Variants in ELAPOR2 observed in about 807,000 individuals in gnomAD.
ELAPOR2 encodes endosome-lysosome associated apoptosis and autophagy regulator family member 2.
In ELAPOR2, 89 loss-of-function variants were observed where a neutral mutation model predicts 120.7. The ratio of observed to expected loss-of-function variants is 0.74; its 90% CI spans 0.62 to 0.88. The LOEUF is 0.88. Ranked by LOEUF, ELAPOR2 falls within the 40% of genes least tolerant of loss-of-function variation. ELAPOR2 has a pLI of 0.00. For missense variants in ELAPOR2, 1,134 were observed against 1,251.6 expected (o/e 0.91, Z 1.42); for synonymous variants, 444 against 444.9 (o/e 1.00, Z 0.03).
intron 2 of ELAPOR2, among the ~76,000 whole-genome samples, chr7:86,961,296 G>A (rs1455934955): frequency 6.6e-6 from 1 of 151,970 alleles, no homozygotes. Flanking sequence ...CAAATTAATG[G>A]AAAAAATAGG....
intron 1 of ELAPOR2, among the ~76,000 whole-genome samples, chr7:86,977,670 A>C (rs1792326412): frequency 6.6e-6 from 1 of 152,228 alleles, no homozygotes; most frequent in Admixed American, 6.5e-5. Context: ...CTGTTTTCCT[A>C]CATCAGTTTC....
intron 1 of ELAPOR2, among the ~76,000 whole-genome samples, chr7:86,984,252 C>G (rs890353441): frequency 6.6e-6 from 1 of 152,136 alleles, no homozygotes; most frequent in Non-Finnish European, 1.5e-5. Flanking sequence ...CTTTAACACC[C>G]CACTGTCAGT....
Position 87,028,360 on chromosome 7 carries a change from C to G in ELAPOR2, c.189+30965G>C, listed in dbSNP as rs183889081. 1.7e-3 allele frequency among the ~76,000 whole-genome samples: 266 copies of G among 152,162 alleles called. 1 individual carries two copies. The highest frequency in any genetic ancestry group is 0.017 in the Middle Eastern group (5 of 294). On this transcript the variant is annotated intron_variant, in intron 1 of 21. Transcript: ENST00000450689. ...AACTGTGTTTGATTTCATCCATCAACCCTCTTCTTCAACACTTTCTTTATT... is the reference window on the plus strand; with the variant it reads ...AACTGTGTTTGATTTCATCCATCAAGCCTCTTCTTCAACACTTTCTTTATT...
At chr7:86,909,020 A>G (rs983324097) in intron 16 of ELAPOR2, among the ~76,000 whole-genome samples, 7 of 151,996 alleles carry the variant, frequency 4.6e-5, no homozygotes, top group African/African-American at 1.7e-4. Context: ...TGCTTAATCT[A>G]GTAAGCAGAA....
rs530593905 is a variant in ELAPOR2, at chr7:86,878,820, C to T, written c.*1651G>A. 1 of 152,294 alleles carries T rather than the reference C, an allele frequency of 6.6e-6. No individual in the cohort carries two copies. Among genetic ancestry groups the T allele is most frequent in the Non-Finnish European group, 1.5e-5 (1 of 67,998 alleles). The allele number at this position is 152,294 out of a possible 1,614,324, so 9.4% of individuals were successfully genotyped here. On this transcript the variant is annotated 3_prime_UTR_variant, in exon 22 of 22. Transcript: ENST00000450689. Reference sequence around the variant, plus strand: ...AAAGGTTTATGCAAAGTGACTCCCTCCCTGAATCCCAGAGCAAACAATGAC... The same window carrying T: ...AAAGGTTTATGCAAAGTGACTCCCTTCCTGAATCCCAGAGCAAACAATGAC...
intron 21 of ELAPOR2, among the ~76,000 whole-genome samples, chr7:86,883,023 G>GCTGT (rs1799488906): frequency 1.4e-5 from 2 of 141,452 alleles, no homozygotes; most frequent in African/African-American, 5.2e-5. Flanking sequence ...GTTTGAAAGG[G>GCTGT]GTGTGTGTGT....
At chr7:86,969,002 C>A (rs542865361) in intron 1 of ELAPOR2, among the ~76,000 whole-genome samples, 2 of 152,218 alleles carry the variant, frequency 1.3e-5, no homozygotes, top group East Asian at 3.9e-4. Flanking sequence ...AACCAGGAAA[C>A]ATCCCAAGAA....
intron 1 of ELAPOR2, among the ~76,000 whole-genome samples, chr7:87,013,596 G>A (rs1231916734): frequency 3.3e-5 from 5 of 152,070 alleles, no homozygotes; most frequent in African/African-American, 9.7e-5. Flanking sequence ...AGAAGATTAT[G>A]GTGAATTATA....
rs1218775092 is a variant in ELAPOR2, at chr7:86,925,527, C to A, written c.1399+1G>T. On this transcript the variant is annotated splice_donor_variant, in intron 10 of 21. Transcript: ENST00000450689. LOFTEE classifies it high-confidence loss of function. ...ATCAAGTAGGCTGATTTTGAACTTA[C>A]CATTCATTCCATCGCACTTTGAATT... is the stretch of plus-strand genomic sequence containing the variant. The A allele has an allele frequency of 6.2e-7, 1 of 1,611,218 alleles. No individual in the cohort carries two copies. Among genetic ancestry groups the A allele is most frequent in the Admixed American group, 1.7e-5 (1 of 59,798 alleles).
chr7:86,963,455 T>C (rs1450447707), intron 2 of ELAPOR2, among the ~76,000 whole-genome samples: 2 of 152,164 alleles, frequency 1.3e-5, no homozygotes, highest in Admixed American at 6.5e-5. Context: ...TTGCCAGTTT[T>C]CATGGATACA....
At chr7:87,008,585 A>T (rs1793558092) in intron 1 of ELAPOR2, among the ~76,000 whole-genome samples, 1 of 152,200 alleles carries the variant, frequency 6.6e-6, no homozygotes, top group Admixed American at 6.5e-5. Flanking sequence ...TTTAGAGACA[A>T]GGTTTCACCA....
chr7:87,056,479 C>T (rs754704342), intron 1 of ELAPOR2, among the ~76,000 whole-genome samples: 3 of 152,208 alleles, frequency 2.0e-5, no homozygotes, highest in Non-Finnish European at 2.9e-5. Flanking sequence ...GCTTCATCTG[C>T]CAGCACTTTG....
At position 86,918,536 on chromosome 7, in the gene ELAPOR2, G is replaced by A. The variant is rs754182923; in HGVS notation, c.1499C>T (p.Thr500Ile). Reference sequence around the variant, plus strand: ...AGAACCCGTGGCTCCAGTCATAGATGTTGGTGGTCTATTTGACAGATTAAA... The same window carrying A: ...AGAACCCGTGGCTCCAGTCATAGATATTGGTGGTCTATTTGACAGATTAAA... ...NLHIPGFKPP[T>I]SMTGATGSEL... The change falls in exon 12 of 22, where the codon ACA becomes ATA. Residue 500 changes from threonine (T) to isoleucine (I), a missense_variant. Physicochemically the swap from Thr to Ile is moderately conservative, Grantham distance 89. Around this residue, in one of 3 missense-constraint regions of ELAPOR2, gnomAD observed 831 missense variants for 867.6 expected, o/e 0.96. Coordinates refer to ENST00000450689, the MANE Select transcript of ELAPOR2 (RefSeq NM_001142749.3). The A allele has an allele frequency of 4.4e-6, 7 of 1,601,822 alleles. No homozygotes were observed. In the Admixed American group the frequency reaches 8.3e-5, roughly 19 times the overall value.
At chr7:86,975,746 C>G (rs1471104136) in intron 1 of ELAPOR2, among the ~76,000 whole-genome samples, 1 of 152,196 alleles carries the variant, frequency 6.6e-6, no homozygotes, top group Non-Finnish European at 1.5e-5. Flanking sequence ...TTCTTTTTCC[C>G]ACTCTGCCCA....
chr7:86,892,912 G>C lies in ELAPOR2; in HGVS notation c.2864+10C>G. ...CTAGCTCTCTTGTGATCATCTCAGA[G>C]GGTACTTACTTTTGATTCTTTTTCC... On this transcript the variant is annotated intron_variant, in intron 20 of 21. Coordinates refer to ENST00000450689, the MANE Select transcript of ELAPOR2 (RefSeq NM_001142749.3). 6.6e-7 allele frequency: 1 copy of C among 1,521,936 alleles called. No individual in the cohort carries two copies. Among genetic ancestry groups the C allele is most frequent in the East Asian group, 2.5e-5 (1 of 40,212 alleles). 94.3% of individuals were successfully genotyped at this position (1,521,936 alleles called of 1,614,324 possible). A position where few individuals can be genotyped will look rare whatever the true frequency, so the allele number is the denominator to read the frequency against.
intron 1 of ELAPOR2, among the ~76,000 whole-genome samples, chr7:87,005,525 T>C (rs1440023066): frequency 1.3e-5 from 2 of 152,166 alleles, no homozygotes; most frequent in African/African-American, 4.8e-5. Context: ...AAAAGCTGAA[T>C]GTAGGTTTTT....
intron 1 of ELAPOR2, among the ~76,000 whole-genome samples, chr7:87,017,490 C>T (rs764629421): frequency 9.2e-5 from 14 of 152,122 alleles, no homozygotes; most frequent in Non-Finnish European, 1.8e-4. Context: ...TGAATGCATA[C>T]ATATGAAAGG....
intron 1 of ELAPOR2, among the ~76,000 whole-genome samples, chr7:87,052,510 T>C (rs377523270): frequency 6.6e-6 from 1 of 152,206 alleles, no homozygotes; most frequent in East Asian, 1.9e-4. Context: ...TTCTTTATAC[T>C]GAGCGCAATG....
intron 1 of ELAPOR2, among the ~76,000 whole-genome samples, chr7:87,038,068 A>C (rs897635676): frequency 6.6e-6 from 1 of 152,342 alleles, no homozygotes; most frequent in Non-Finnish European, 1.5e-5. Context: ...TATGAATGGC[A>C]ACTGAAAAAG....
Sources: gnomAD v4.1 joint callset for allele counts (sites outside exome capture counted in the v4.1 genomes callset) on GRCh38, gnomAD v4.1.1 for gene constraint, gnomAD v4.1.1 regional missense constraint, MANE v1.5 for transcripts, NCBI Gene and HGNC (gene_info 2026-07-23, HGNC 2026-07-21) for gene names.